PDILT: variants seen among roughly 807,000 people sequenced by gnomAD.
The protein encoded by PDILT is protein disulfide-isomerase-like protein of the testis.
In PDILT, 43 loss-of-function variants were observed where a neutral mutation model predicts 53.7. The observed-to-expected ratio is 0.80, with a 90% confidence interval of 0.63 to 1.03. The LOEUF (loss-of-function observed/expected upper bound fraction) is 1.03, where lower values mean the gene tolerates loss of function less well. PDILT is among the 50% of genes least tolerant of loss of function. PDILT has a pLI of 0.00. For synonymous variants in PDILT, 282 were observed against 274.2 expected (o/e 1.03, Z -0.28); for missense variants, 727 against 712.3 (o/e 1.02, Z -0.24).
Position 20,359,384 on chromosome 16 carries a change from C to A in PDILT, c.1690G>T (p.Val564Leu), listed in dbSNP as rs755098526. The A allele has an allele frequency of 3.7e-6, 6 of 1,614,196 alleles. No homozygotes were observed. Among genetic ancestry groups the A allele is most frequent in the Middle Eastern group, 1.6e-4 (1 of 6,062 alleles). ...KKKTSEEVVV[V>L]VAKPKGPPVQ... ...GGAGGTCCCTTTGGCTTAGCCACCACCACCACCACCTCCTCAGATGTTTTC... is the reference window on the plus strand; with the variant it reads ...GGAGGTCCCTTTGGCTTAGCCACCAACACCACCACCTCCTCAGATGTTTTC... The change falls in exon 12 of 12, where the codon GTG becomes TTG. Residue 564 changes from valine (V) to leucine (L), a missense_variant. By Grantham distance (32) the Val-to-Leu change is conservative. Coordinates refer to ENST00000302451, the MANE Select transcript of PDILT (RefSeq NM_174924.2).
intron 2 of PDILT, among the ~76,000 whole-genome samples, chr16:20,389,656 T>C (rs1166990676): frequency 6.6e-6 from 1 of 152,182 alleles, no homozygotes; most frequent in Non-Finnish European, 1.5e-5. Flanking sequence ...AATGGCTCCC[T>C]GACTGTCTGC....
intron 3 of PDILT, among the ~76,000 whole-genome samples, chr16:20,377,213 A>G (rs937446468): frequency 3.9e-5 from 6 of 152,160 alleles, no homozygotes; most frequent in Non-Finnish European, 8.8e-5. Context: ...GCTTGAGCCC[A>G]GGAGTTCAAG....
intron 2 of PDILT, among the ~76,000 whole-genome samples, chr16:20,396,966 G>T (rs1966669614): frequency 6.6e-6 from 1 of 152,174 alleles, no homozygotes; most frequent in African/African-American, 2.4e-5. Flanking sequence ...ACCTGCAAGG[G>T]AGGAATTATT....
Position 20,403,453 on chromosome 16 carries a change from C to T in PDILT, c.-8+1043G>A, listed in dbSNP as rs578055729. On this transcript the variant is annotated intron_variant, in intron 1 of 11. Coordinates refer to ENST00000302451, the MANE Select transcript of PDILT (RefSeq NM_174924.2). ...TACAGGCACCCGCCACCATGCCCGG[C>T]TAATTTTTGTATTTTTAGTAGAAAC... is the stretch of plus-strand genomic sequence containing the variant. Among the ~76,000 whole-genome samples, 183 of 152,188 alleles carry T rather than the reference C, an allele frequency of 1.2e-3. 3 individuals carry two copies. Among genetic ancestry groups the T allele is most frequent in the Non-Finnish European group, 1.7e-3 (117 of 68,018 alleles).
intron 1 of PDILT, among the ~76,000 whole-genome samples, chr16:20,399,777 C>G (rs1025113270): frequency 4.0e-5 from 6 of 150,438 alleles, no homozygotes; most frequent in Admixed American, 6.7e-5. Context: ...GGGAAGCTCA[C>G]TACCTGCAGT....
intron 2 of PDILT, among the ~76,000 whole-genome samples, chr16:20,389,635 T>A (rs1008998363): frequency 3.9e-5 from 6 of 152,184 alleles, no homozygotes; most frequent in African/African-American, 7.2e-5. Flanking sequence ...CAGGGCCATG[T>A]TAGAATAGGC....
At chr16:20,388,392 G>A (rs1210291263) in intron 2 of PDILT, among the ~76,000 whole-genome samples, 1 of 152,192 alleles carries the variant, frequency 6.6e-6, no homozygotes, top group Non-Finnish European at 1.5e-5. Flanking sequence ...CTAGTATGCA[G>A]TTAGGCTGAG....
At position 20,365,494 on chromosome 16, in the gene PDILT, AGTCCCTG is replaced by A. The variant is rs1249962833; in HGVS notation, c.1156_1162del (p.Gln386TrpfsTer12). 6.2e-7 allele frequency: 1 copy of A among 1,614,006 alleles called. No homozygotes were observed. Among genetic ancestry groups the A allele is most frequent in the African/African-American group, 1.3e-5 (1 of 75,062 alleles). On this transcript the variant is annotated frameshift_variant, in exon 9 of 12. Transcript: ENST00000302451. LOFTEE classifies it high-confidence loss of function. ...GTTCTTCCCCACGAGCTGCTTAACC[AGTCCCTG>A]GTCCCAGTATTTTGGAATCTCTTCA...
chr16:20,379,146 T>G (rs1197195925), intron 3 of PDILT, among the ~76,000 whole-genome samples: 1 of 152,162 alleles, frequency 6.6e-6, no homozygotes, highest in Non-Finnish European at 1.5e-5. Flanking sequence ...CCTGAGTAGC[T>G]GGGACTACAG....
intron 7 of PDILT, among the ~76,000 whole-genome samples, chr16:20,371,586 G>A (rs140134839): frequency 1.3e-5 from 2 of 152,202 alleles, no homozygotes; most frequent in South Asian, 4.1e-4. Flanking sequence ...TAATTCAACT[G>A]TTTAGCGTTG....
At chr16:20,367,024 C>CTTCTTTCTTTCTTTCTTTCTTTCT in intron 8 of PDILT, among the ~76,000 whole-genome samples, 1 of 76,188 alleles carries the variant, frequency 1.3e-5, no homozygotes, top group Admixed American at 1.6e-4. Flanking sequence ...CTCTCTCTTT[C>CTTCTTTCTTTCTTTCTTTCTTTCT]TTCTTTCTTT....
intron 8 of PDILT, among the ~76,000 whole-genome samples, chr16:20,367,004 A>C (rs143334797): frequency 0.027 from 2,750 of 102,094 alleles, 192 homozygotes; most frequent in East Asian, 0.17. Flanking sequence ...TTCTTTCTTT[A>C]TTTATTTCTC....
At chr16:20,380,667 C>T (rs900886953) in intron 3 of PDILT, among the ~76,000 whole-genome samples, 1 of 152,144 alleles carries the variant, frequency 6.6e-6, no homozygotes, top group African/African-American at 2.4e-5. Context: ...TGAGTCTATC[C>T]CTTCTTGAAA....
rs1235937138 is a variant in PDILT, at chr16:20,400,708, A to G, written c.-7-1401T>C. 3.9e-5 allele frequency among the ~76,000 whole-genome samples: 6 copies of G among 152,204 alleles called. No individual in the cohort carries two copies. The East Asian group carries it at 1.2e-3, about 29-fold the overall frequency. On this transcript the variant is annotated intron_variant, in intron 1 of 11. Transcript: ENST00000302451. Reference sequence around the variant, plus strand: ...TCAACTTCACTTATTGTCATGACCAATGTTATTTTATTTATATTCTTGACT... The same window carrying G: ...TCAACTTCACTTATTGTCATGACCAGTGTTATTTTATTTATATTCTTGACT...
chr16:20,400,226 C>A (rs144809342), intron 1 of PDILT, among the ~76,000 whole-genome samples: 98 of 152,054 alleles, frequency 6.4e-4, no homozygotes, highest in African/African-American at 2.2e-3. Context: ...AGATGCCCAC[C>A]ACCACACCTG....
chr16:20,400,015 T>G (rs7193048), intron 1 of PDILT, among the ~76,000 whole-genome samples: 1 of 117,194 alleles, frequency 8.5e-6, no homozygotes, highest in Admixed American at 8.3e-5. Flanking sequence ...AATATATCTC[T>G]ATCTATCTAT....
chr16:20,364,683 T>C (rs1442056150), intron 9 of PDILT, among the ~76,000 whole-genome samples: 1 of 152,198 alleles, frequency 6.6e-6, no homozygotes, highest in African/African-American at 2.4e-5. Context: ...TCTGGCTTTG[T>C]CTCCCACGTG....
intron 2 of PDILT, chr16:20,390,574 T>G (rs1755150222): frequency 6.6e-6 from 1 of 152,188 alleles, no homozygotes; most frequent in African/African-American, 2.4e-5. Context: ...ATACTATATA[T>G]TTTACTTATT....
At chr16:20,368,151 G>C (rs759180487) in intron 8 of PDILT, among the ~76,000 whole-genome samples, 28 of 152,158 alleles carry the variant, frequency 1.8e-4, no homozygotes, top group Non-Finnish European at 3.7e-4. Context: ...TTGTGGGCAT[G>C]GGAGCAGGGA....
Sources: gnomAD v4.1 joint callset for allele counts (sites outside exome capture counted in the v4.1 genomes callset) on GRCh38, gnomAD v4.1.1 for gene constraint, MANE v1.5 for transcripts, NCBI Gene and HGNC (gene_info 2026-07-23, HGNC 2026-07-21) for gene names.